GALNT3: variants seen among roughly 807,000 people sequenced by gnomAD.
The protein encoded by GALNT3 is GalNAc transferase 3.
A neutral mutation model predicts 69.8 loss-of-function variants in GALNT3; 51 were observed. The ratio of observed to expected loss-of-function variants is 0.73; its 90% confidence interval spans 0.58 to 0.92. GALNT3 has a LOEUF of 0.92. GALNT3 is among the 40% of genes least tolerant of loss of function. The pLI is 0.00. For missense variants in GALNT3, 711 were observed against 760.0 expected (o/e 0.94, Z 0.76); for synonymous variants, 265 against 248.5 (o/e 1.07, Z -0.63).
Position 165,754,607 on chromosome 2 carries a change from A to G in GALNT3, c.1626+20T>C, listed in dbSNP as rs1196660126. The G allele has an allele frequency of 6.4e-7, 1 of 1,552,822 alleles. No homozygotes were observed. The highest frequency in any genetic ancestry group is 8.9e-7 in the Non-Finnish European group (1 of 1,124,582). On this transcript the variant is annotated intron_variant, in intron 9 of 10. Transcript: ENST00000392701. ...CTTGTAAATGCTTTACAAGTGAAGG[A>G]TTTTTAATGCAGTGCTCACCTGGTT...
chr2:165,748,631 A>G lies in GALNT3; in HGVS notation c.*150T>C. 1.5e-6 allele frequency: 1 copy of G among 674,170 alleles called. No homozygotes were observed. The highest frequency in any genetic ancestry group is 2.5e-6 in the Non-Finnish European group (1 of 399,030). 41.8% of individuals were successfully genotyped at this position (674,170 alleles called of 1,614,324 possible). A position where few individuals can be genotyped will look rare whatever the true frequency, so the allele number is the denominator to read the frequency against. ...CAGAAACTTGCAGAATTTCTGTAGTAGTGCTACATAAAGATATAAATAAGA... is the reference window on the plus strand; with the variant it reads ...CAGAAACTTGCAGAATTTCTGTAGTGGTGCTACATAAAGATATAAATAAGA... On this transcript the variant is annotated 3_prime_UTR_variant, in exon 11 of 11. Transcript: ENST00000392701.
intron 2 of GALNT3, among the ~76,000 whole-genome samples, chr2:165,769,177 G>A (rs1574007193): frequency 1.4e-5 from 2 of 143,032 alleles, no homozygotes; most frequent in South Asian, 2.3e-4. Context: ...AGGCTGAGGT[G>A]GGCGGATCAC....
At chr2:165,757,907 T>C (rs146374887) in intron 6 of GALNT3, among the ~76,000 whole-genome samples, 2,466 of 152,296 alleles carry the variant, frequency 0.016, 50 homozygotes, top group Non-Finnish European at 0.02. Context: ...TCTGCCATAG[T>C]TACCAAGCAA....
chr2:165,759,100 A>G (rs150533449), intron 5 of GALNT3, among the ~76,000 whole-genome samples: 1 of 152,274 alleles, frequency 6.6e-6, no homozygotes, highest in East Asian at 1.9e-4. Context: ...ATGCTTTACG[A>G]TTTTTAAGTA....
rs1688322277 is a variant in GALNT3, at chr2:165,749,757, T to C, written c.1764A>G (p.Ile588Met). 6.2e-7 allele frequency: 1 copy of C among 1,613,382 alleles called. No individual in the cohort carries two copies. Among genetic ancestry groups the C allele is most frequent in the Non-Finnish European group, 8.5e-7 (1 of 1,179,494 alleles). Reference sequence around the variant, plus strand: ...ACTGAGGTACCTTCTGGATCTCCCATATCTGCTCTCCAGTGACAACTGTCT... The same window carrying C: ...ACTGAGGTACCTTCTGGATCTCCCACATCTGCTCTCCAGTGACAACTGTCT... ...GHKTVVTGEQ[I>M]WEIQKDQLLY... The change falls in exon 10 of 11, where the codon ATA (isoleucine) becomes ATG (methionine). Residue 588 changes from isoleucine (I) to methionine (M), a missense_variant. Coordinates refer to ENST00000392701, the MANE Select transcript of GALNT3 (RefSeq NM_004482.4).
intron 10 of GALNT3, 140 bp from the exon 11 acceptor site, chr2:165,749,043 T>C: frequency 1.2e-6 from 1 of 832,040 alleles, no homozygotes; most frequent in Non-Finnish European, 1.9e-6. Context: ...AAACTCTTTT[T>C]GGCTTCTAGT....
At chr2:165,757,550 T>C (rs1316164303) in intron 6 of GALNT3, among the ~76,000 whole-genome samples, 2 of 152,206 alleles carry the variant, frequency 1.3e-5, no homozygotes, top group Non-Finnish European at 2.9e-5. Flanking sequence ...ATGTAAGTTC[T>C]CTAATATGCA....
chr2:165,773,496 C>T (rs1267125371), intron 1 of GALNT3, among the ~76,000 whole-genome samples: 2 of 152,070 alleles, frequency 1.3e-5, no homozygotes, highest in Admixed American at 6.5e-5. Flanking sequence ...AAAGTGATAA[C>T]ATTAACAAAG....
chr2:165,749,375 A>C (rs1490994396), intron 10 of GALNT3, among the ~76,000 whole-genome samples: 2 of 152,122 alleles, frequency 1.3e-5, no homozygotes, highest in Admixed American at 1.3e-4. Flanking sequence ...AAAAAAATTA[A>C]TCACTTCAAG....
At chr2:165,778,180 G>C (rs1683014455) in intron 1 of GALNT3, among the ~76,000 whole-genome samples, 1 of 150,686 alleles carries the variant, frequency 6.6e-6, no homozygotes, top group Non-Finnish European at 1.5e-5. Flanking sequence ...GCTCTTTCCT[G>C]CCACATCTAC....
At chr2:165,788,481 G>GTC (rs1350444702) in intron 1 of GALNT3, among the ~76,000 whole-genome samples, 2 of 148,436 alleles carry the variant, frequency 1.3e-5, no homozygotes, top group Non-Finnish European at 3.0e-5. Flanking sequence ...GTGTGTGTGT[G>GTC]TGTGTGTGTG....
intron 1 of GALNT3, among the ~76,000 whole-genome samples, chr2:165,778,388 G>T (rs1185962539): frequency 6.6e-6 from 1 of 152,118 alleles, no homozygotes; most frequent in African/African-American, 2.4e-5. Flanking sequence ...CATAGTTGTT[G>T]GCTTTTGGAT....
rs111875321 is a variant in GALNT3, at chr2:165,761,961, C to T, written c.782G>A (p.Arg261Gln). The T allele has an allele frequency of 1.1e-5, 18 of 1,613,606 alleles. No homozygotes were observed. The highest frequency in any genetic ancestry group is 6.7e-5 in the African/African-American group (5 of 74,930). Residue 261 changes from arginine to glutamine, a missense_variant, in exon 4 of 11, where the codon CGG (arginine) becomes CAG (glutamine). Physicochemically the swap from Arg to Gln is conservative, Grantham distance 43. Transcript: ENST00000392701. ...QRERKGLITA[R>Q]LLGATVATAE... ...TGTTGCGACTGTTGCTCCTAGCAAC[C>T]GAGCAGTGATCAGACCTTTTCTTTC... is the stretch of plus-strand genomic sequence containing the variant.
rs769052242 is a variant in GALNT3 at position 165,748,837 on chromosome 2, C to T, written c.1846G>A (p.Val616Met). The T allele has an allele frequency of 6.8e-6, 11 of 1,611,768 alleles. No individual in the cohort carries two copies. The highest frequency in any genetic ancestry group is 1.7e-4 in the Middle Eastern group (1 of 6,044). The change falls in exon 11 of 11, where the codon GTG becomes ATG. Residue 616 changes from valine to methionine, a missense_variant. Val to Met is a conservative substitution (Grantham distance 21). Transcript: ENST00000392701. ...LSANGEHPSL[V>M]SCNPSDPLQK... The stretch of plus-strand genomic sequence containing the variant: ...AGTGGATCTGATGGGTTGCATGACA[C>T]TAAACTTGGATGCTCTCCATTTGCT...
chr2:165,764,282 T>C (rs1432366704), intron 3 of GALNT3, among the ~76,000 whole-genome samples: 1 of 152,180 alleles, frequency 6.6e-6, no homozygotes, highest in African/African-American at 2.4e-5. Flanking sequence ...ACTATTCATT[T>C]ATATTATTTA....
chr2:165,777,088 A>G (rs1682971386), intron 1 of GALNT3, among the ~76,000 whole-genome samples: 1 of 152,004 alleles, frequency 6.6e-6, no homozygotes, highest in Admixed American at 6.5e-5. Flanking sequence ...TGAAAGTAAC[A>G]TTTAATGAAA....
Position 165,761,463 on chromosome 2 carries a change from C to T in GALNT3, c.838+442G>A, listed in dbSNP as rs13033285. ...CTGACCTCAAATGATTCACCAACGC[C>T]GGCCTCCCAAAGTGCTGGGATTACA... is the stretch of plus-strand genomic sequence containing the variant. On this transcript the variant is annotated intron_variant, in intron 4 of 10. Transcript: ENST00000392701. Among the ~76,000 whole-genome samples, 1,288 of 152,186 alleles carry T rather than the reference C, an allele frequency of 8.5e-3. 7 individuals are homozygous for T. The highest frequency in any genetic ancestry group is 0.017 in the Middle Eastern group (5 of 294).
At chr2:165,754,906 TAAAA>T in intron 8 of GALNT3, 22 bp downstream of exon 8, 1 of 1,611,406 alleles carries the variant, frequency 6.2e-7, no homozygotes, top group Non-Finnish European at 8.5e-7. Context: ...GTATATTAAT[TAAAA>T]AAGGAACAGG....
intron 2 of GALNT3, 35 bp from the exon 3 acceptor site, chr2:165,765,091 A>G: frequency 6.4e-7 from 1 of 1,553,994 alleles, no homozygotes; most frequent in Non-Finnish European, 8.9e-7. Context: ...AAACAATTAC[A>G]AATTTTATTA....
Sources: allele counts gnomAD v4.1 joint callset (sites outside exome capture counted in the v4.1 genomes callset), GRCh38; gene constraint gnomAD v4.1.1; transcripts MANE v1.5; gene names NCBI Gene and HGNC (gene_info 2026-07-23, HGNC 2026-07-21).